The following KATNBL1 variants were observed in gnomAD, a reference collection of about 807,000 sequenced individuals.
The protein encoded by KATNBL1 is KATNB1-like protein 1.
A neutral mutation model predicts 44.7 loss-of-function variants in KATNBL1; 28 were observed. That is an observed-to-expected ratio of 0.63 (90% CI 0.46 to 0.86). The LOEUF (loss-of-function observed/expected upper bound fraction) is 0.86. KATNBL1 is among the 40% of genes least tolerant of loss of function. The probability of loss-of-function intolerance (pLI) is 0.00; values close to 1 mark genes in which losing one functional copy is unlikely to be tolerated. For missense variants in KATNBL1, 272 were observed against 350.7 expected, an observed-to-expected ratio of 0.78 and a Z score of 1.79; for synonymous variants, 78 against 114.9, an observed-to-expected ratio of 0.68 and a Z score of 2.06.
intron 3 of KATNBL1, 38 bp from the exon 4 acceptor site, chr15:34,153,107 C>G (rs559154735): frequency 2.1e-5 from 31 of 1,472,724 alleles, no homozygotes; most frequent in Non-Finnish European, 2.6e-5. Flanking sequence ...GAAAAAGAAC[C>G]ATATGAAATC....
intron 1 of KATNBL1, among the ~76,000 whole-genome samples, chr15:34,171,700 T>A (rs920318508): frequency 6.6e-6 from 1 of 152,182 alleles, no homozygotes; most frequent in Non-Finnish European, 1.5e-5. Context: ...TGTCCATCAA[T>A]GATAAACTGG....
chr15:34,184,577 T>TTTTC (rs1231505466), intron 1 of KATNBL1, among the ~76,000 whole-genome samples: 1 of 2,632 alleles, frequency 3.8e-4, no homozygotes, highest in South Asian at 0.05. Context: ...CTAATGTTTC[T>TTTTC]TTTTTTTTTT....
chr15:34,175,709 G>A (rs1324536810), intron 1 of KATNBL1, among the ~76,000 whole-genome samples: 1 of 152,134 alleles, frequency 6.6e-6, no homozygotes, highest in Non-Finnish European at 1.5e-5. Flanking sequence ...TGGAAGAACT[G>A]GATCCCTCAC....
intron 7 of KATNBL1, 56 bp from the exon 8 acceptor site, chr15:34,146,906 T>C (rs931951844): frequency 7.7e-5 from 83 of 1,077,500 alleles, no homozygotes; most frequent in Middle Eastern, 4.0e-4. Context: ...ACCCTTCTTA[T>C]AAAAGATGAT....
At chr15:34,165,050 G>T (rs1391190584) in intron 1 of KATNBL1, among the ~76,000 whole-genome samples, 2 of 152,144 alleles carry the variant, frequency 1.3e-5, no homozygotes, top group South Asian at 4.1e-4. Context: ...TGTATCCCAG[G>T]TTAAGAAACC....
chr15:34,192,566 G>A (rs887071851), intron 1 of KATNBL1, among the ~76,000 whole-genome samples: 1 of 152,126 alleles, frequency 6.6e-6, no homozygotes, highest in African/African-American at 2.4e-5. Context: ...GGCCTAGAGG[G>A]TGGTGGTCTC....
At chr15:34,163,435 C>A in intron 2 of KATNBL1, 125 bp downstream of exon 2, 2 of 1,131,756 alleles carry the variant, frequency 1.8e-6, no homozygotes, top group South Asian at 3.2e-5. Context: ...TTCACCAATT[C>A]AACTTAATTC....
intron 4 of KATNBL1, 31 bp from the exon 5 acceptor site, chr15:34,148,781 G>A (rs1416452969): frequency 2.4e-6 from 3 of 1,249,822 alleles, no homozygotes; most frequent in Non-Finnish European, 3.5e-6. Context: ...TTGTTAAAAA[G>A]CACACTGAAA....
At chr15:34,206,567 G>C (rs957027607) in intron 1 of KATNBL1, among the ~76,000 whole-genome samples, 1 of 152,112 alleles carries the variant, frequency 6.6e-6, no homozygotes, top group Non-Finnish European at 1.5e-5. Flanking sequence ...CGAGGTGGGC[G>C]GATCACCTGG....
chr15:34,183,077 ATTCTT>A (rs1209457622), intron 1 of KATNBL1, among the ~76,000 whole-genome samples: 1 of 152,182 alleles, frequency 6.6e-6, no homozygotes, highest in Non-Finnish European at 1.5e-5. Flanking sequence ...GCCCACATCC[ATTCTT>A]TTGTCTCCAG....
chr15:34,199,288 T>C (rs542213945), intron 1 of KATNBL1, among the ~76,000 whole-genome samples: 15 of 152,174 alleles, frequency 9.9e-5, no homozygotes, highest in Middle Eastern at 3.4e-3. Context: ...AATACAAAAA[T>C]TAGCCTGGTG....
At chr15:34,155,144 T>G (rs1007533056) in intron 2 of KATNBL1, among the ~76,000 whole-genome samples, 2 of 152,212 alleles carry the variant, frequency 1.3e-5, no homozygotes, top group African/African-American at 4.8e-5. Context: ...GAAGTTAAAC[T>G]TTAAAATGGA....
intron 2 of KATNBL1, among the ~76,000 whole-genome samples, chr15:34,163,106 C>T (rs964174986): frequency 3.3e-5 from 5 of 149,494 alleles, no homozygotes; most frequent in Non-Finnish European, 4.4e-5. Context: ...TGCAATGGCG[C>T]GATCTCAGCT....
intron 1 of KATNBL1, among the ~76,000 whole-genome samples, chr15:34,167,921 A>G (rs1889032558): frequency 6.6e-6 from 1 of 152,258 alleles, no homozygotes; most frequent in African/African-American, 2.4e-5. Flanking sequence ...CCTGCCTTAC[A>G]AGAGCTCCTG....
intron 2 of KATNBL1, 43 bp downstream of exon 2, chr15:34,163,517 C>T (rs909794655): frequency 2.6e-6 from 4 of 1,565,018 alleles, no homozygotes; most frequent in Non-Finnish European, 3.4e-6. Context: ...GAGACCTAAC[C>T]GTTTAAATTG....
chr15:34,149,668 G>A (rs552223979), intron 4 of KATNBL1, among the ~76,000 whole-genome samples: 5 of 152,268 alleles, frequency 3.3e-5, no homozygotes, highest in Admixed American at 6.5e-5. Flanking sequence ...CACATGATCC[G>A]CCTGCCTTGG....
chr15:34,162,560 G>T (rs1888839472), intron 2 of KATNBL1, among the ~76,000 whole-genome samples: 1 of 152,102 alleles, frequency 6.6e-6, no homozygotes, highest in African/African-American at 2.4e-5. Context: ...AAATTATATT[G>T]TAACTTACAG....
intron 1 of KATNBL1, among the ~76,000 whole-genome samples, chr15:34,174,537 G>A (rs1889264166): frequency 6.6e-6 from 1 of 152,126 alleles, no homozygotes; most frequent in Non-Finnish European, 1.5e-5. Flanking sequence ...AAAAGCCAGA[G>A]ATTGATGGAG....
intron 8 of KATNBL1, chr15:34,146,334 C>T (rs141953564): frequency 5.2e-4 from 80 of 153,410 alleles, no homozygotes; most frequent in African/African-American, 1.8e-3. Context: ...AGAATACCCA[C>T]GAATTTTCAC....
Sources: allele counts gnomAD v4.1 joint callset (sites outside exome capture counted in the v4.1 genomes callset), GRCh38; gene constraint gnomAD v4.1.1; transcripts MANE v1.5; gene names NCBI Gene and HGNC (gene_info 2026-07-23, HGNC 2026-07-21).